ZFP41: variants seen among roughly 807,000 people sequenced by gnomAD.
The protein encoded by ZFP41 is ZFP41 zinc finger protein.
In ZFP41, 10 loss-of-function variants were observed where a neutral mutation model predicts 11.6. The ratio of observed to expected loss-of-function variants is 0.86; its 90% confidence interval spans 0.53 to 1.47. ZFP41 has a LOEUF of 1.47. ZFP41 is among the 40% of genes most tolerant of loss of function. The probability of loss-of-function intolerance (pLI) is 0.00; values close to 1 mark genes in which losing one functional copy is unlikely to be tolerated. For synonymous variants in ZFP41, 123 were observed against 100.9 expected (o/e 1.22, Z -1.31); for missense variants, 302 against 264.6 (o/e 1.14, Z -0.98).
intron 2 of ZFP41, among the ~76,000 whole-genome samples, chr8:143,258,190 G>T (rs961544872): frequency 6.6e-6 from 1 of 152,192 alleles, no homozygotes; most frequent in East Asian, 1.9e-4. Flanking sequence ...GTATGGTGGC[G>T]TGCGCCTGTG....
intron 2 of ZFP41, among the ~76,000 whole-genome samples, chr8:143,253,961 G>GCA (rs1563727987): frequency 1.6e-4 from 24 of 152,228 alleles, no homozygotes; most frequent in South Asian, 2.1e-4. Flanking sequence ...CATAAGGAGC[G>GCA]TGCAACCTAG....
rs1814716193 is a variant in ZFP41 at position 143,250,617 on chromosome 8, A to G, written c.*177A>G. The stretch of plus-strand genomic sequence containing the variant: ...ATGTGGGAACGTGCCAGCGAGGGAG[A>G]GACCTTTCCACTGCAGAGAGTCTCT... On this transcript the variant is annotated 3_prime_UTR_variant, in exon 2 of 3. Transcript: ENST00000330701. The G allele has an allele frequency of 1.0e-6, 1 of 1,003,532 alleles. No homozygotes were observed. Among genetic ancestry groups the G allele is most frequent in the Admixed American group, 2.9e-5 (1 of 34,576 alleles). The allele number at this position is 1,003,532 out of a possible 1,614,324, so 62.2% of individuals were successfully genotyped here.
At chr8:143,249,641 C>T (rs1816757524) in intron 1 of ZFP41, 49 bp from the exon 2 acceptor site, 4 of 828,276 alleles carry the variant, frequency 4.8e-6, no homozygotes, top group Non-Finnish European at 1.7e-6. Flanking sequence ...CCCACATCCC[C>T]TGAAAGGCAA....
In ZFP41 at chr8:143,261,546, C is replaced by T. The variant is rs146555634; in HGVS notation, c.*2672C>T. 267 of 153,508 alleles carry T rather than the reference C, an allele frequency of 1.7e-3. No homozygotes were observed. Among genetic ancestry groups the T allele is most frequent in the South Asian group, 7.2e-3 (36 of 4,992 alleles). The allele number at this position is 153,508 out of a possible 1,614,324, so 9.5% of individuals were successfully genotyped here. A position where few individuals can be genotyped will look rare whatever the true frequency, so the allele number is the denominator to read the frequency against. On this transcript the variant is annotated 3_prime_UTR_variant, in exon 3 of 3. Transcript: ENST00000330701. ...GTGTTGGCACTCTCCTGGCTTCCTC[C>T]GCAAACCTAGCCACGTGGTCAGGGA... is the stretch of plus-strand genomic sequence containing the variant.
chr8:143,253,561 C>G (rs971590358), intron 2 of ZFP41: 1 of 152,234 alleles, frequency 6.6e-6, no homozygotes, highest in Non-Finnish European at 1.5e-5. Context: ...ACGAGCGTGG[C>G]TGTGCCAATA....
chr8:143,258,831 T>A (rs1814972029), intron 2 of ZFP41, among the ~76,000 whole-genome samples: 1 of 152,176 alleles, frequency 6.6e-6, no homozygotes, highest in Admixed American at 6.5e-5. Flanking sequence ...ACAGATCCAA[T>A]TCTGTGCCCC....
chr8:143,257,831 A>G (rs1017563903), intron 2 of ZFP41, among the ~76,000 whole-genome samples: 6 of 152,226 alleles, frequency 3.9e-5, no homozygotes, highest in African/African-American at 7.2e-5. Context: ...CATGACAGAG[A>G]TTGTGTGGAT....
In ZFP41 at chr8:143,260,878, A is replaced by G; in HGVS notation, c.*2004A>G. 1 of 162,258 alleles carries G rather than the reference A, an allele frequency of 6.2e-6. No individual in the cohort carries two copies. Among genetic ancestry groups the G allele is most frequent in the Non-Finnish European group, 1.3e-5 (1 of 74,298 alleles). The allele number at this position is 162,258 out of a possible 1,614,324, so 10.1% of individuals were successfully genotyped here. On this transcript the variant is annotated 3_prime_UTR_variant, in exon 3 of 3. Transcript: ENST00000330701. ...GGCCTCAGAGTGCAGAGAACCTCAA[A>G]TGTTGTGACTTTGCTCTGCTGCAGG...
intron 2 of ZFP41, chr8:143,252,709 T>C (rs983997394): frequency 2.3e-6 from 2 of 882,866 alleles, no homozygotes; most frequent in Non-Finnish European, 2.7e-6. Context: ...CTCACACTAT[T>C]GGGCGTGTGC....
In ZFP41 at chr8:143,250,172, C is replaced by A; in HGVS notation, c.329C>A (p.Thr110Asn). ...TDHIRHQRVHTGEKPFKCAQC... is the reference protein window; with the variant it reads ...TDHIRHQRVHNGEKPFKCAQC... ...CACATTCGCCATCAGAGGGTCCACA[C>A]TGGAGAGAAGCCCTTCAAGTGTGCG... Residue 110 changes from threonine to asparagine, a missense_variant, in exon 2 of 3, where the codon ACT becomes AAT. By Grantham distance (65) the Thr-to-Asn change is moderately conservative. Transcript: ENST00000330701. 2 of 1,614,172 alleles carry A rather than the reference C, an allele frequency of 1.2e-6. No homozygotes were observed. Among genetic ancestry groups the A allele is most frequent in the Middle Eastern group, 3.3e-4 (2 of 6,062 alleles).
chr8:143,252,596 G>A (rs1335873151), intron 2 of ZFP41: 1 of 982,862 alleles, frequency 1.0e-6, no homozygotes, highest in Non-Finnish European at 1.2e-6. Flanking sequence ...AGTCGCTGCT[G>A]GAAGCACGGC....
In ZFP41 at chr8:143,250,254, C is replaced by A. The variant is rs201072788; in HGVS notation, c.411C>A (p.His137Gln). 5.3e-5 allele frequency: 85 copies of A among 1,614,002 alleles called. No individual in the cohort carries two copies. The highest frequency in any genetic ancestry group is 1.2e-4 in the Admixed American group (7 of 60,010). The change falls in exon 2 of 3, where the codon CAC (histidine) becomes CAA (glutamine). Residue 137 changes from histidine (H) to glutamine (Q), a missense_variant. His to Gln is a conservative substitution (Grantham distance 24). Transcript: ENST00000330701. ...SSDVTKHQRTHTGEKPFKCGE... is the reference protein window; with the variant it reads ...SSDVTKHQRTQTGEKPFKCGE... ...ACGTCACCAAACACCAGAGGACTCA[C>A]ACGGGAGAGAAGCCCTTCAAATGCG...
In ZFP41 at chr8:143,251,309, GC is replaced by G; in HGVS notation, c.*873del. On this transcript the variant is annotated 3_prime_UTR_variant, in exon 2 of 3. Transcript: ENST00000330701. ...CTCGGCCTTCCGACGTGGGCGGTGG[GC>G]CCCAGCCCCACAGACCAGCCCAGCA... is the stretch of plus-strand genomic sequence containing the variant. 6.0e-6 allele frequency: 1 copy of G among 166,904 alleles called. No homozygotes were observed. The highest frequency in any genetic ancestry group is 1.5e-5 in the Non-Finnish European group (1 of 68,322). The allele number at this position is 166,904 out of a possible 1,614,324, so 10.3% of individuals were successfully genotyped here.
chr8:143,249,696 G>C lies in ZFP41; in HGVS notation c.-148G>C, dbSNP rs1816758396. ...TGTTCTTGCTTCTCCCCAGCACCAA[G>C]AGGATGGTGGCCCTTGGCCTCCTGG... On this transcript the variant is annotated 5_prime_UTR_variant, in exon 2 of 3. Transcript: ENST00000330701. The C allele has an allele frequency of 2.3e-6, 3 of 1,306,638 alleles. No homozygotes were observed. The highest frequency in any genetic ancestry group is 3.4e-5 in the South Asian group (2 of 59,492). The allele number at this position is 1,306,638 out of a possible 1,614,324, so 80.9% of individuals were successfully genotyped here. A position where few individuals can be genotyped will look rare whatever the true frequency, so the allele number is the denominator to read the frequency against.
Position 143,250,117 on chromosome 8 carries a change from T to C in ZFP41, c.274T>C (p.Cys92Arg), listed in dbSNP as rs1816771684. The C allele has an allele frequency of 6.2e-7, 1 of 1,613,892 alleles. No homozygotes were observed. The highest frequency in any genetic ancestry group is 1.7e-5 in the Admixed American group (1 of 59,988). ...GAAGAAACCCTATGAGTGCAGTGAG[T>C]GTGGGCGGATCTTTAAGCACAAGAC... is the stretch of plus-strand genomic sequence containing the variant. ...QRKKPYECSECGRIFKHKTDH... is the reference protein window; with the variant it reads ...QRKKPYECSERGRIFKHKTDH... The change falls in exon 2 of 3, where the codon TGT becomes CGT. Residue 92 changes from cysteine to arginine, a missense_variant. By Grantham distance (180) the Cys-to-Arg change is radical (BLOSUM62 -3). Transcript: ENST00000330701.
intron 2 of ZFP41, among the ~76,000 whole-genome samples, chr8:143,255,288 C>T (rs1021399763): frequency 2.0e-5 from 3 of 152,262 alleles, no homozygotes; most frequent in Admixed American, 6.5e-5. Context: ...AATGGCGATG[C>T]TGACAGTGCT....
At chr8:143,253,946 A>G (rs1188271737) in intron 2 of ZFP41, among the ~76,000 whole-genome samples, 3 of 151,906 alleles carry the variant, frequency 2.0e-5, no homozygotes, top group Non-Finnish European at 4.4e-5. Flanking sequence ...CAGGCATTTG[A>G]TTCTCATAAG....
chr8:143,252,316 C>T (rs1814785151), intron 2 of ZFP41, among the ~76,000 whole-genome samples: 1 of 152,216 alleles, frequency 6.6e-6, no homozygotes, highest in Non-Finnish European at 1.5e-5. Flanking sequence ...ACACTCAGTG[C>T]CTGGGCTGGC....
chr8:143,254,805 G>T (rs779196611), intron 2 of ZFP41, among the ~76,000 whole-genome samples: 3 of 151,888 alleles, frequency 2.0e-5, no homozygotes, highest in Non-Finnish European at 4.4e-5. Context: ...GCTAATTTTT[G>T]TATTTTTAGT....
Sources: allele counts gnomAD v4.1 joint callset (sites outside exome capture counted in the v4.1 genomes callset), GRCh38; gene constraint gnomAD v4.1.1; transcripts MANE v1.5; gene names NCBI Gene and HGNC (gene_info 2026-07-23, HGNC 2026-07-21).